The following CYP39A1 variants were observed in gnomAD, a reference collection of about 807,000 sequenced individuals.
CYP39A1 encodes cytochrome P450 family 39 subfamily A member 1.
Under a neutral mutation model 58.1 loss-of-function variants are expected in CYP39A1, and 49 were observed. That is an observed-to-expected ratio of 0.84 (90% CI 0.67 to 1.07). CYP39A1 has a LOEUF of 1.07. Ranked by LOEUF, CYP39A1 falls within the 50% of genes least tolerant of loss-of-function variation. The probability of loss-of-function intolerance (pLI) is 0.00; values close to 1 mark genes in which losing one functional copy is unlikely to be tolerated. For missense variants in CYP39A1, 531 were observed against 539.4 expected (o/e 0.98, Z 0.16); for synonymous variants, 209 against 187.6 (o/e 1.11, Z -0.93).
chr6:46,597,202 A>G (rs1773220978), intron 7 of CYP39A1, among the ~76,000 whole-genome samples: 1 of 152,124 alleles, frequency 6.6e-6, no homozygotes, highest in Non-Finnish European at 1.5e-5. Flanking sequence ...TATGAACTCC[A>G]TTCAATCTGA....
intron 7 of CYP39A1, among the ~76,000 whole-genome samples, chr6:46,596,645 G>T (rs780423614): frequency 6.6e-6 from 1 of 151,590 alleles, no homozygotes; most frequent in Non-Finnish European, 1.5e-5. Context: ...TGAGCTGGAA[G>T]AATGAAGATG....
chr6:46,648,782 T>C (rs1762487479), intron 1 of CYP39A1, among the ~76,000 whole-genome samples: 1 of 152,100 alleles, frequency 6.6e-6, no homozygotes, highest in African/African-American at 2.4e-5. Context: ...TGCAGATTGT[T>C]TGATGTATAT....
rs933909721 is a variant in CYP39A1, at chr6:46,550,313, G to T, written c.*53C>A. The T allele has an allele frequency of 6.8e-6, 10 of 1,466,692 alleles. No homozygotes were observed. The African/African-American group carries it at 1.3e-4, about 19-fold the overall frequency. 90.9% of individuals were successfully genotyped at this position (1,466,692 alleles called of 1,614,324 possible). A position where few individuals can be genotyped will look rare whatever the true frequency, so the allele number is the denominator to read the frequency against. ...AGCTCAGGTCTAGGTGCTGCCAGGT[G>T]GGGTAGTGCCACTCCTCCAGAAGGC... On this transcript the variant is annotated 3_prime_UTR_variant, in exon 12 of 12. Coordinates refer to ENST00000275016, the MANE Select transcript of CYP39A1 (RefSeq NM_016593.5).
chr6:46,605,558 G>A (rs544259837), intron 7 of CYP39A1, among the ~76,000 whole-genome samples: 4 of 152,246 alleles, frequency 2.6e-5, no homozygotes, highest in Admixed American at 2.0e-4. Context: ...CAGAAAACGT[G>A]GCAGACACGC....
chr6:46,601,806 C>A (rs931614579), intron 7 of CYP39A1, among the ~76,000 whole-genome samples: 1 of 151,786 alleles, frequency 6.6e-6, no homozygotes, highest in Non-Finnish European at 1.5e-5. Context: ...CAGGCGTGAG[C>A]CACCATGCCC....
rs1291466369 is a variant in CYP39A1, at chr6:46,550,385, T to C, written c.1391A>G (p.Glu464Gly). 1.2e-6 allele frequency: 2 copies of C among 1,612,826 alleles called. No homozygotes were observed. The highest frequency in any genetic ancestry group is 1.1e-5 in the South Asian group (1 of 90,744). Reference protein sequence around the residue: ...VPQPEGQCRIEYKQRI With the variant: ...VPQPEGQCRIGYKQRI ...CAGATGTCATATTCTTTGTTTATAT[T>C]CAATTCGGCATTGCCCTTCCGGCTG... The change falls in exon 12 of 12, where the codon GAA (glutamate) becomes GGA (glycine). Residue 464 changes from glutamate (E) to glycine (G), a missense_variant. Physicochemically the swap from Glu to Gly is moderately conservative, Grantham distance 98. Coordinates refer to ENST00000275016, the MANE Select transcript of CYP39A1 (RefSeq NM_016593.5).
At chr6:46,551,701 T>C (rs1280372671) in intron 11 of CYP39A1, among the ~76,000 whole-genome samples, 1 of 152,168 alleles carries the variant, frequency 6.6e-6, no homozygotes, top group Non-Finnish European at 1.5e-5. Flanking sequence ...TCAGGGGAGT[T>C]GGTTTCCAAG....
intron 7 of CYP39A1, among the ~76,000 whole-genome samples, chr6:46,621,319 G>T (rs1379577154): frequency 6.9e-6 from 1 of 145,304 alleles, no homozygotes; most frequent in Non-Finnish European, 1.5e-5. Context: ...GTAAAGATTA[G>T]AACAAAATTA....
intron 10 of CYP39A1, among the ~76,000 whole-genome samples, chr6:46,559,449 A>G (rs965785154): frequency 6.6e-6 from 1 of 152,238 alleles, no homozygotes; most frequent in Non-Finnish European, 1.5e-5. Flanking sequence ...ATAGGAAAAT[A>G]AACATTTTAT....
intron 10 of CYP39A1, chr6:46,583,590 A>G: frequency 1.0e-6 from 1 of 985,402 alleles, no homozygotes; most frequent in Non-Finnish European, 1.2e-6. Context: ...TTCTGAAACA[A>G]AACAAAACAG....
At position 46,642,281 on chromosome 6, in the gene CYP39A1, T is replaced by A; in HGVS notation, c.195A>T (p.Thr65=). The A allele has an allele frequency of 6.2e-7, 1 of 1,612,452 alleles. No homozygotes were observed. The highest frequency in any genetic ancestry group is 1.3e-5 in the African/African-American group (1 of 74,998). Residue 65 remains threonine (T), a synonymous_variant, in exon 2 of 12, where the codon ACA becomes ACT. Transcript: ENST00000275016. ...KARIKYGPIF[T]VFAMGNRMTF... is the part of the protein sequence containing the mutation. ...TCATTCGGTTTCCCATAGCAAAGAC[T>A]GTAAATATTGGTCCATACTGAAATA... is the stretch of plus-strand genomic sequence containing the variant.
At position 46,549,957 on chromosome 6, in the gene CYP39A1, A is replaced by G. The variant is rs560172760; in HGVS notation, c.*409T>C. 1 of 154,434 alleles carries G rather than the reference A, an allele frequency of 6.5e-6. No homozygotes were observed. Among genetic ancestry groups the G allele is most frequent in the East Asian group, 1.9e-4 (1 of 5,272 alleles). The allele number at this position is 154,434 out of a possible 1,614,324, so 9.6% of individuals were successfully genotyped here. ...TTGTAGAAATAATTATTAAATTTTA[A>G]AAATCTAAGCCTTTTAGACTTTTCA... On this transcript the variant is annotated 3_prime_UTR_variant, in exon 12 of 12. Coordinates refer to ENST00000275016, the MANE Select transcript of CYP39A1 (RefSeq NM_016593.5).
chr6:46,611,710 C>T (rs576580994), intron 7 of CYP39A1, among the ~76,000 whole-genome samples: 2 of 151,830 alleles, frequency 1.3e-5, no homozygotes, highest in Admixed American at 1.3e-4. Context: ...TAGTCCAATA[C>T]ATGATAAATA....
At chr6:46,642,405 A>G in intron 1 of CYP39A1, 107 bp from the exon 2 acceptor site, 8 of 1,064,628 alleles carry the variant, frequency 7.5e-6, no homozygotes, top group Non-Finnish European at 1.1e-5. Flanking sequence ...AAGAAAAATT[A>G]TTATGATTAT....
chr6:46,550,300 G>A lies in CYP39A1; in HGVS notation c.*66C>T. 1.5e-6 allele frequency: 2 copies of A among 1,334,016 alleles called. No homozygotes were observed. Among genetic ancestry groups the A allele is most frequent in the Non-Finnish European group, 2.1e-6 (2 of 938,192 alleles). 82.6% of individuals were successfully genotyped at this position (1,334,016 alleles called of 1,614,324 possible). ...TGTGTTTTTGTAGAGCTCAGGTCTA[G>A]GTGCTGCCAGGTGGGGTAGTGCCAC... On this transcript the variant is annotated 3_prime_UTR_variant, in exon 12 of 12. Coordinates refer to ENST00000275016, the MANE Select transcript of CYP39A1 (RefSeq NM_016593.5).
chr6:46,640,983 T>C (rs994846373), intron 2 of CYP39A1, among the ~76,000 whole-genome samples: 7 of 152,070 alleles, frequency 4.6e-5, no homozygotes, highest in South Asian at 2.1e-4. Flanking sequence ...TATGCTACTA[T>C]ACATATACTA....
At chr6:46,627,806 T>C (rs1327260786) in intron 6 of CYP39A1, among the ~76,000 whole-genome samples, 1 of 152,176 alleles carries the variant, frequency 6.6e-6, no homozygotes, top group Non-Finnish European at 1.5e-5. Flanking sequence ...AAAAGGCATA[T>C]AAAATAGTTA....
chr6:46,587,192 C>A (rs1483948167), intron 9 of CYP39A1, 27 bp from the exon 10 acceptor site: 1 of 1,433,428 alleles, frequency 7.0e-7, no homozygotes, highest in East Asian at 2.3e-5. Context: ...TTTTTTTTTC[C>A]AAATCAGCCT....
At chr6:46,611,037 C>G (rs1174704356) in intron 7 of CYP39A1, among the ~76,000 whole-genome samples, 1 of 152,108 alleles carries the variant, frequency 6.6e-6, no homozygotes, top group Non-Finnish European at 1.5e-5. Context: ...TCCATGGACT[C>G]TGGGAATATG....
Sources: allele counts gnomAD v4.1 joint callset (sites outside exome capture counted in the v4.1 genomes callset), GRCh38; gene constraint gnomAD v4.1.1; transcripts MANE v1.5; gene names NCBI Gene and HGNC (gene_info 2026-07-23, HGNC 2026-07-21).